The following VSTM4 variants were observed in gnomAD, a reference collection of about 807,000 sequenced individuals.
VSTM4 encodes V-set and transmembrane domain-containing protein 4.
A neutral mutation model predicts 36.4 loss-of-function variants in VSTM4; 20 were observed. The ratio of observed to expected loss-of-function variants is 0.55; its 90% CI spans 0.39 to 0.80. VSTM4 has a LOEUF of 0.80. VSTM4 is among the 30% of genes least tolerant of loss of function. The probability of loss-of-function intolerance (pLI) is 0.00; values close to 1 mark genes in which losing one functional copy is unlikely to be tolerated. For synonymous variants in VSTM4, 182 were observed against 173.9 expected (o/e 1.05, Z -0.37); for missense variants, 392 against 404.5 (o/e 0.97, Z 0.26).
At position 49,014,979 on chromosome 10, in the gene VSTM4, C is replaced by T. The variant is rs1436980066; in HGVS notation, c.*4671G>A. On this transcript the variant is annotated 3_prime_UTR_variant, in exon 8 of 8. Transcript: ENST00000332853. ...AGGACACCCCCTTTCCCGCAATGAG[C>T]ACCAGATCCATGTTTCCAACAGTTT... 6.6e-6 allele frequency: 1 copy of T among 152,296 alleles called. No homozygotes were observed. Among genetic ancestry groups the T allele is most frequent in the East Asian group, 1.9e-4 (1 of 5,192 alleles). The allele number at this position is 152,296 out of a possible 1,614,324, so 9.4% of individuals were successfully genotyped here. A position where few individuals can be genotyped will look rare whatever the true frequency, so the allele number is the denominator to read the frequency against.
At chr10:49,031,374 GC>G (rs1843342951) in intron 7 of VSTM4, among the ~76,000 whole-genome samples, 1 of 152,098 alleles carries the variant, frequency 6.6e-6, no homozygotes, top group Admixed American at 6.5e-5. Flanking sequence ...AGGATTAAAT[GC>G]ATAAAAACAT....
rs558650374 is a variant in VSTM4, at chr10:49,111,157, G to A, written c.56-3162C>T. Among the ~76,000 whole-genome samples the A allele has an allele frequency of 2.0e-5, 3 of 152,362 alleles. No homozygotes were observed. In the South Asian group the frequency reaches 6.2e-4, roughly 32 times the overall value. On this transcript the variant is annotated intron_variant, in intron 1 of 7. Transcript: ENST00000332853. ...AGGTGGCACATGTATCCAGGCAACTGTGAGATGGGGCAAAGCAGGAGGGAG... is the reference window on the plus strand; with the variant it reads ...AGGTGGCACATGTATCCAGGCAACTATGAGATGGGGCAAAGCAGGAGGGAG...
intron 7 of VSTM4, among the ~76,000 whole-genome samples, chr10:49,034,866 A>T (rs1242906421): frequency 1.3e-5 from 2 of 152,226 alleles, no homozygotes; most frequent in Non-Finnish European, 2.9e-5. Context: ...AATAGGCTTT[A>T]AAAATGTGAG....
In VSTM4 at chr10:49,109,106, C is replaced by T. The variant is rs78480321; in HGVS notation, c.56-1111G>A. Among the ~76,000 whole-genome samples, 273 of 152,270 alleles carry T rather than the reference C, an allele frequency of 1.8e-3. 1 individual carries two copies. Among genetic ancestry groups the T allele is most frequent in the East Asian group, 0.014 (73 of 5,178 alleles). On this transcript the variant is annotated intron_variant, in intron 1 of 7. Transcript: ENST00000332853. ...CCCTGTACTGCCCCATGTATCACTC[C>T]AGGAAGCCATTCGCCTCCACCCCCC...
chr10:49,090,286 G>A (rs754712082), intron 2 of VSTM4, among the ~76,000 whole-genome samples: 14 of 152,206 alleles, frequency 9.2e-5, no homozygotes, highest in Non-Finnish European at 1.5e-4. Flanking sequence ...TTGGGATCCA[G>A]CTGGACTTCC....
rs1398503676 is a variant in VSTM4, at chr10:49,018,726, AGG to A, written c.*922_*923del. ...TGCAATGGGCAAGGCACTTGGCAAG[AGG>A]AGGGTCTTCAGAACACACTTTCCAG... is the stretch of plus-strand genomic sequence containing the variant. On this transcript the variant is annotated 3_prime_UTR_variant, in exon 8 of 8. Transcript: ENST00000332853. 3 of 152,246 alleles carry A rather than the reference AGG, an allele frequency of 2.0e-5. No homozygotes were observed. Among genetic ancestry groups the A allele is most frequent in the Non-Finnish European group, 4.4e-5 (3 of 68,064 alleles). The allele number at this position is 152,246 out of a possible 1,614,324, so 9.4% of individuals were successfully genotyped here. A position where few individuals can be genotyped will look rare whatever the true frequency, so the allele number is the denominator to read the frequency against.
intron 2 of VSTM4, among the ~76,000 whole-genome samples, chr10:49,100,106 T>C (rs1219345446): frequency 6.6e-6 from 1 of 152,210 alleles, no homozygotes; most frequent in African/African-American, 2.4e-5. Context: ...AGTTGTTTTT[T>C]TGATAGGTTA....
intron 2 of VSTM4, among the ~76,000 whole-genome samples, chr10:49,105,691 G>A (rs757722308): frequency 1.6e-4 from 25 of 152,174 alleles, no homozygotes; most frequent in Non-Finnish European, 5.9e-5. Context: ...AAATGACTCT[G>A]CTTACTTGAA....
chr10:49,093,983 G>A (rs561816846), intron 2 of VSTM4, among the ~76,000 whole-genome samples: 8 of 152,080 alleles, frequency 5.3e-5, no homozygotes, highest in East Asian at 3.9e-4. Flanking sequence ...TCCTGACCTC[G>A]CGATCCACCC....
intron 3 of VSTM4, among the ~76,000 whole-genome samples, chr10:49,079,183 G>C (rs115041426): frequency 1.5e-3 from 223 of 152,030 alleles, no homozygotes; most frequent in African/African-American, 5.1e-3. Flanking sequence ...TGTCTAAGTT[G>C]AACAGTTAAA....
intron 5 of VSTM4, among the ~76,000 whole-genome samples, chr10:49,060,731 T>C (rs1335568284): frequency 6.6e-6 from 1 of 152,238 alleles, no homozygotes; most frequent in African/African-American, 2.4e-5. Context: ...GTGTTTAGTA[T>C]CACTTTGCCC....
intron 2 of VSTM4, among the ~76,000 whole-genome samples, chr10:49,086,410 C>T (rs989018998): frequency 2.0e-5 from 3 of 152,208 alleles, no homozygotes; most frequent in Non-Finnish European, 4.4e-5. Flanking sequence ...GATAGAGGAA[C>T]CTGAAGTCAT....
chr10:49,053,519 A>G (rs1040270395), intron 5 of VSTM4, among the ~76,000 whole-genome samples: 13 of 152,206 alleles, frequency 8.5e-5, no homozygotes, highest in Admixed American at 3.3e-4. Context: ...GGGGAGGTGT[A>G]TGTTGGCTAT....
At chr10:49,059,745 C>T (rs1011223393) in intron 5 of VSTM4, among the ~76,000 whole-genome samples, 1 of 152,030 alleles carries the variant, frequency 6.6e-6, no homozygotes, top group African/African-American at 2.4e-5. Flanking sequence ...AGTTGACGTA[C>T]CATAAAATGT....
chr10:49,021,504 A>C (rs1055184131), intron 7 of VSTM4, among the ~76,000 whole-genome samples: 3 of 152,222 alleles, frequency 2.0e-5, no homozygotes, highest in Non-Finnish European at 4.4e-5. Flanking sequence ...TTTGCAATTC[A>C]ACAAAGATAA....
chr10:49,080,706 C>T (rs1314935043), intron 3 of VSTM4, among the ~76,000 whole-genome samples: 2 of 152,174 alleles, frequency 1.3e-5, no homozygotes, highest in African/African-American at 4.8e-5. Context: ...GAAGAAAGCA[C>T]TGTAAGAAGG....
chr10:49,096,622 CGTGTGTGTGTGTGTGT>C (rs57143308), intron 2 of VSTM4, among the ~76,000 whole-genome samples: 17 of 122,500 alleles, frequency 1.4e-4, no homozygotes, highest in East Asian at 4.7e-4. Context: ...CATTGAAGAC[CGTGTGTGTGTGTGTGT>C]GTGTGTGTGT....
intron 7 of VSTM4, among the ~76,000 whole-genome samples, chr10:49,020,030 A>G (rs1843159149): frequency 6.6e-6 from 1 of 152,234 alleles, no homozygotes; most frequent in African/African-American, 2.4e-5. Context: ...CACTCACAAA[A>G]AAATGACTAA....
intron 2 of VSTM4, among the ~76,000 whole-genome samples, chr10:49,088,098 G>A (rs1211737978): frequency 1.3e-5 from 2 of 151,682 alleles, no homozygotes; most frequent in Non-Finnish European, 2.9e-5. Flanking sequence ...AGTGCTGATA[G>A]ACTTTATTTT....
Sources: allele counts gnomAD v4.1 joint callset (sites outside exome capture counted in the v4.1 genomes callset), GRCh38; gene constraint gnomAD v4.1.1; transcripts MANE v1.5; gene names NCBI Gene and HGNC (gene_info 2026-07-23, HGNC 2026-07-21).